The following NCKAP1L variants were observed in gnomAD, a reference collection of about 807,000 sequenced individuals.
NCKAP1L encodes NCK associated protein 1 like.
A neutral mutation model predicts 139.2 loss-of-function variants in NCKAP1L; 53 were observed. The ratio of observed to expected loss-of-function variants is 0.38; its 90% CI spans 0.31 to 0.48. NCKAP1L has a LOEUF of 0.48. NCKAP1L is among the 20% of genes least tolerant of loss of function. NCKAP1L has a pLI of 0.98. For missense variants in NCKAP1L, 1,151 were observed against 1,381.9 expected, an observed-to-expected ratio of 0.83 and a Z score of 2.65; for synonymous variants, 468 against 499.7, an observed-to-expected ratio of 0.94 and a Z score of 0.85.
Position 54,546,655 on chromosome 12 carries a change from G to A in NCKAP1L, c.*3970G>A, listed in dbSNP as rs1028287166. 3 of 152,242 alleles carry A rather than the reference G, an allele frequency of 2.0e-5. No homozygotes were observed. The highest frequency in any genetic ancestry group is 7.2e-5 in the African/African-American group (3 of 41,432). 9.4% of individuals were successfully genotyped at this position (152,242 alleles called of 1,614,324 possible). On this transcript the variant is annotated 3_prime_UTR_variant, in exon 31 of 31. Coordinates refer to ENST00000293373, the MANE Select transcript of NCKAP1L (RefSeq NM_005337.5). ...TGTTCTTCCAGTCCTCCTCCCCACAGGGCCTCCTGCTTCTCCTAAGTACCT... is the reference window on the plus strand; with the variant it reads ...TGTTCTTCCAGTCCTCCTCCCCACAAGGCCTCCTGCTTCTCCTAAGTACCT...
chr12:54,514,192 A>G (rs1956912000), intron 9 of NCKAP1L, among the ~76,000 whole-genome samples: 1 of 152,204 alleles, frequency 6.6e-6, no homozygotes, highest in Admixed American at 6.5e-5. Flanking sequence ...TGTGGTTGTA[A>G]CATAGTTTAT....
intron 3 of NCKAP1L, among the ~76,000 whole-genome samples, chr12:54,505,718 A>G (rs574787230): frequency 6.6e-6 from 1 of 150,406 alleles, no homozygotes; most frequent in East Asian, 1.9e-4. Flanking sequence ...GCTGGAGTGC[A>G]ATGGTGTGAT....
intron 3 of NCKAP1L, among the ~76,000 whole-genome samples, chr12:54,505,573 T>C (rs565702335): frequency 6.6e-5 from 10 of 152,208 alleles, no homozygotes; most frequent in East Asian, 1.9e-4. Flanking sequence ...ATACAGCATG[T>C]ATTCTTTTGT....
chr12:54,523,789 G>T, intron 19 of NCKAP1L, 36 bp from the exon 20 acceptor site: 1 of 1,600,538 alleles, frequency 6.2e-7, no homozygotes, highest in Middle Eastern at 1.7e-4. Context: ...AGCAGGCAGT[G>T]CCAGACCTGT....
At position 54,519,339 on chromosome 12, in the gene NCKAP1L, C is replaced by T. The variant is rs752959371; in HGVS notation, c.1625+7C>T. On this transcript the variant is annotated splice_region_variant and intron_variant, in intron 16 of 30. Transcript: ENST00000293373. Reference sequence around the variant, plus strand: ...CTGATCTGTCTACTTTCTGGTATGTCTTGGTTCAGAGCTCTCTTTAAAAAG... The same window carrying T: ...CTGATCTGTCTACTTTCTGGTATGTTTTGGTTCAGAGCTCTCTTTAAAAAG... 2.5e-5 allele frequency: 38 copies of T among 1,535,544 alleles called. No individual in the cohort carries two copies. Among genetic ancestry groups the T allele is most frequent in the Non-Finnish European group, 3.2e-5 (37 of 1,151,810 alleles).
chr12:54,521,296 T>G, intron 18 of NCKAP1L, 58 bp downstream of exon 18: 4 of 1,595,546 alleles, frequency 2.5e-6, no homozygotes, highest in Non-Finnish European at 1.7e-6. Context: ...TGCCTTCCCC[T>G]CTATCTAACT....
At chr12:54,505,667 C>CTTT (rs60187117) in intron 3 of NCKAP1L, among the ~76,000 whole-genome samples, 2 of 144,608 alleles carry the variant, frequency 1.4e-5, no homozygotes, top group Non-Finnish European at 3.0e-5. Context: ...CCCGTCCTCC[C>CTTT]TTTTTTTTTT....
rs962832264 is a variant in NCKAP1L at position 54,501,872 on chromosome 12, A to G, written c.306+1247A>G. 1.8e-4 allele frequency among the ~76,000 whole-genome samples: 28 copies of G among 152,202 alleles called. 1 individual carries two copies. Among genetic ancestry groups the G allele is most frequent in the Admixed American group, 6.5e-5 (1 of 15,278 alleles). On this transcript the variant is annotated intron_variant, in intron 3 of 30. Coordinates refer to ENST00000293373, the MANE Select transcript of NCKAP1L (RefSeq NM_005337.5). ...TTCTCACCAACGGTGCATAAGGGCT[A>G]TAATTCCTCCACATCCTCGCCAACA... is the stretch of plus-strand genomic sequence containing the variant.
rs771766104 is a variant in NCKAP1L, at chr12:54,519,289, G to T, written c.1582G>T (p.Val528Leu). The T allele has an allele frequency of 2.5e-6, 4 of 1,585,596 alleles. No individual in the cohort carries two copies. The highest frequency in any genetic ancestry group is 2.6e-6 in the Non-Finnish European group (3 of 1,172,614). Residue 528 changes from valine to leucine, a missense_variant, in exon 16 of 31, where the codon GTA (valine) becomes TTA (leucine). Physicochemically the swap from Val to Leu is conservative, Grantham distance 32. Transcript: ENST00000293373. ...CTTCCACTCCCGAATGCTGGACTCC[G>T]TAGAAAAATTGCTGGTGGAAACTTC... Reference protein sequence around the residue: ...IVFHSRMLDSVEKLLVETSDL... With the variant: ...IVFHSRMLDSLEKLLVETSDL...
chr12:54,532,425 A>C (rs1957080048), intron 26 of NCKAP1L, among the ~76,000 whole-genome samples, 175 bp downstream of exon 26: 1 of 152,114 alleles, frequency 6.6e-6, no homozygotes, highest in Non-Finnish European at 1.5e-5. Flanking sequence ...CAGAGCTGGC[A>C]AGATGTAGGG....
In NCKAP1L at chr12:54,536,136, A is replaced by T. The variant is rs1197961348; in HGVS notation, c.2964A>T (p.Ser988=). ...CTTTTTCCCTCTCACCAGATACTTCATCTCCTGAGGAGGAATATAAGGTGG... is the reference window on the plus strand; with the variant it reads ...CTTTTTCCCTCTCACCAGATACTTCTTCTCCTGAGGAGGAATATAAGGTGG... The part of the protein sequence containing the change: ...AAIANLKADT[S]SPEEEYKVAC... The change falls in exon 28 of 31, where the codon TCA becomes TCT. Residue 988 remains serine (S), a synonymous_variant. Transcript: ENST00000293373. 1.2e-6 allele frequency: 2 copies of T among 1,611,532 alleles called. No individual in the cohort carries two copies. Among genetic ancestry groups the T allele is most frequent in the Admixed American group, 1.7e-5 (1 of 59,990 alleles).
chr12:54,530,975 T>C (rs922476381), intron 22 of NCKAP1L, among the ~76,000 whole-genome samples: 1 of 152,154 alleles, frequency 6.6e-6, no homozygotes, highest in Admixed American at 6.5e-5. Flanking sequence ...CCAAGTGTCA[T>C]ATAAAGGAAC....
rs73109126 is a variant in NCKAP1L, at chr12:54,519,344, T to C, written c.1625+12T>C. ...CTGTCTACTTTCTGGTATGTCTTGGTTCAGAGCTCTCTTTAAAAAGTTTTA... is the reference window on the plus strand; with the variant it reads ...CTGTCTACTTTCTGGTATGTCTTGGCTCAGAGCTCTCTTTAAAAAGTTTTA... On this transcript the variant is annotated intron_variant, in intron 16 of 30. Coordinates refer to ENST00000293373, the MANE Select transcript of NCKAP1L (RefSeq NM_005337.5). 0.039 allele frequency: 58,081 copies of C among 1,491,928 alleles called. 1,275 individuals are homozygous for C. The highest frequency in any genetic ancestry group is 0.078 in the Middle Eastern group (434 of 5,588). The allele number at this position is 1,491,928 out of a possible 1,614,324, so 92.4% of individuals were successfully genotyped here. A position where few individuals can be genotyped will look rare whatever the true frequency, so the allele number is the denominator to read the frequency against.
At chr12:54,528,856 C>T (rs529658151) in intron 22 of NCKAP1L, among the ~76,000 whole-genome samples, 11 of 152,062 alleles carry the variant, frequency 7.2e-5, no homozygotes, top group East Asian at 3.9e-4. Flanking sequence ...AGGATGGTCT[C>T]GATCTCCTGA....
At chr12:54,542,426 A>G (rs924909366) in intron 30 of NCKAP1L, 149 bp from the exon 31 acceptor site, 1 of 651,492 alleles carries the variant, frequency 1.5e-6, no homozygotes, top group African/African-American at 1.8e-5. Flanking sequence ...CAGCCAAACC[A>G]AGTGAGGGAA....
intron 22 of NCKAP1L, among the ~76,000 whole-genome samples, chr12:54,529,517 T>A (rs1957051495): frequency 6.6e-6 from 1 of 152,222 alleles, no homozygotes; most frequent in African/African-American, 2.4e-5. Flanking sequence ...TCCAGTCTTC[T>A]TCTTTGGGGG....
At position 54,511,152 on chromosome 12, in the gene NCKAP1L, G is replaced by A. The variant is rs545095917; in HGVS notation, c.736-651G>A. ...ATAATCCAAAGGATTAACCATCACAGGGAGAAATCATGAGAAGATTTCTGA... is the reference window on the plus strand; with the variant it reads ...ATAATCCAAAGGATTAACCATCACAAGGAGAAATCATGAGAAGATTTCTGA... On this transcript the variant is annotated intron_variant, in intron 7 of 30. Coordinates refer to ENST00000293373, the MANE Select transcript of NCKAP1L (RefSeq NM_005337.5). Among the ~76,000 whole-genome samples, 25 of 152,300 alleles carry A rather than the reference G, an allele frequency of 1.6e-4. 1 individual carries two copies. The South Asian group carries it at 5.2e-3, about 32-fold the overall frequency.
intron 16 of NCKAP1L, among the ~76,000 whole-genome samples, chr12:54,519,623 T>C (rs780544957): frequency 2.0e-5 from 3 of 151,982 alleles, no homozygotes; most frequent in Non-Finnish European, 4.4e-5. Context: ...CGGAGGACTG[T>C]CATTCCCCTA....
At chr12:54,516,450 C>CTT (rs112859632) in intron 10 of NCKAP1L, among the ~76,000 whole-genome samples, 155 bp downstream of exon 10, 28 of 145,256 alleles carry the variant, frequency 1.9e-4, no homozygotes, top group South Asian at 8.6e-4. Flanking sequence ...CTTTTCTTTT[C>CTT]TTTTTTTTTT....
Sources: gnomAD v4.1 joint callset for allele counts (sites outside exome capture counted in the v4.1 genomes callset) on GRCh38, gnomAD v4.1.1 for gene constraint, MANE v1.5 for transcripts, NCBI Gene and HGNC (gene_info 2026-07-23, HGNC 2026-07-21) for gene names.